The following CACNA2D4 variants were observed in gnomAD, a reference collection of about 807,000 sequenced individuals.
CACNA2D4 encodes the protein calcium voltage-gated channel auxiliary subunit alpha2delta 4.
In CACNA2D4, 157 loss-of-function variants were observed where a neutral mutation model predicts 163.8. The ratio of observed to expected loss-of-function variants is 0.96; its 90% CI spans 0.84 to 1.09. The LOEUF is 1.09. Ranked by LOEUF, CACNA2D4 falls within the 50% of genes least tolerant of loss-of-function variation. CACNA2D4 has a pLI of 0.00. For synonymous variants in CACNA2D4, 598 were observed against 586.9 expected, an observed-to-expected ratio of 1.02 and a Z score of -0.27; for missense variants, 1,410 against 1,479.9, an observed-to-expected ratio of 0.95 and a Z score of 0.78.
intron 23 of CACNA2D4, among the ~76,000 whole-genome samples, chr12:1,851,225 T>C (rs1865271983): frequency 6.6e-6 from 1 of 152,230 alleles, no homozygotes; most frequent in African/African-American, 2.4e-5. Context: ...CGTCATTCCT[T>C]TATTGCTTCT....
Position 1,834,755 on chromosome 12 carries a change from G to C in CACNA2D4, c.2551+5984C>G, listed in dbSNP as rs140355519. 2.6e-6 allele frequency: 4 copies of C among 1,553,390 alleles called. No individual in the cohort carries two copies. The highest frequency in any genetic ancestry group is 2.6e-6 in the Non-Finnish European group (3 of 1,152,614). On this transcript the variant is annotated intron_variant, in intron 26 of 37. Transcript: ENST00000382722. This position sits in a 1 kb window ranked among gnomAD's most constrained non-coding sequence, Gnocchi z 7.6. Reference sequence around the variant, plus strand: ...CCCCACCCGGCCAGGTAGGAAGGGCGGGGAGAGCACACGGCATTGCTCAGC... The same window carrying C: ...CCCCACCCGGCCAGGTAGGAAGGGCCGGGAGAGCACACGGCATTGCTCAGC...
At chr12:1,876,061 G>A (rs940960407) in intron 16 of CACNA2D4, among the ~76,000 whole-genome samples, 1 of 152,216 alleles carries the variant, frequency 6.6e-6, no homozygotes, top group Non-Finnish European at 1.5e-5. Flanking sequence ...GGGACACACT[G>A]TCAGGTCCCT....
intron 18 of CACNA2D4, among the ~76,000 whole-genome samples, chr12:1,872,405 G>C (rs115773259): frequency 1.3e-5 from 2 of 152,182 alleles, no homozygotes; most frequent in Non-Finnish European, 2.9e-5. Context: ...AAAACAACAC[G>C]GCAGGCGGTC....
At chr12:1,912,338 A>G (rs1866845188) in intron 3 of CACNA2D4, among the ~76,000 whole-genome samples, 3 of 152,108 alleles carry the variant, frequency 2.0e-5, no homozygotes, top group African/African-American at 7.2e-5. Context: ...ACTGGTTTAT[A>G]CCATCCAGGT....
At chr12:1,885,591 T>C (rs1866116859) in intron 9 of CACNA2D4, among the ~76,000 whole-genome samples, 1 of 152,208 alleles carries the variant, frequency 6.6e-6, no homozygotes, top group Admixed American at 6.5e-5. Context: ...GAGGAAAGGA[T>C]GACACTCAAT....
At position 1,918,479 on chromosome 12, in the gene CACNA2D4, C is replaced by T. The variant is rs770835825; in HGVS notation, c.-6G>A. Reference sequence around the variant, plus strand: ...GCAGAGCAGCCACAGACCATGAGCTCTGTCTGCCTTCCTCCCAGACCCCAG... The same window carrying T: ...GCAGAGCAGCCACAGACCATGAGCTTTGTCTGCCTTCCTCCCAGACCCCAG... On this transcript the variant is annotated 5_prime_UTR_variant, in exon 1 of 38. Transcript: ENST00000382722. 59 of 1,552,718 alleles carry T rather than the reference C, an allele frequency of 3.8e-5. No homozygotes were observed. Among genetic ancestry groups the T allele is most frequent in the South Asian group, 2.1e-4 (18 of 84,208 alleles).
intron 3 of CACNA2D4, among the ~76,000 whole-genome samples, chr12:1,912,623 G>A (rs761995203): frequency 6.6e-6 from 1 of 152,164 alleles, no homozygotes; most frequent in African/African-American, 2.4e-5. Flanking sequence ...CAGCTAGCTC[G>A]ACTCCCACCC....
Position 1,844,549 on chromosome 12 carries a change from G to C in CACNA2D4, c.2343-20C>G, listed in dbSNP as rs762473254. 21 of 1,609,870 alleles carry C rather than the reference G, an allele frequency of 1.3e-5. No homozygotes were observed. The highest frequency in any genetic ancestry group is 1.7e-5 in the Non-Finnish European group (20 of 1,177,542). On this transcript the variant is annotated intron_variant, in intron 24 of 37. Coordinates refer to ENST00000382722, the MANE Select transcript of CACNA2D4 (RefSeq NM_172364.5). The surrounding 1 kb of genome is among the most constrained non-coding windows in gnomAD (Gnocchi z 4.2). ...AACTTCCTGCAAGGAGGAAGATGTGGTACCTCTCCCCAGATCTGTGAACAC... is the reference window on the plus strand; with the variant it reads ...AACTTCCTGCAAGGAGGAAGATGTGCTACCTCTCCCCAGATCTGTGAACAC...
At chr12:1,898,948 T>C (rs1866473625) in intron 6 of CACNA2D4, among the ~76,000 whole-genome samples, 1 of 152,122 alleles carries the variant, frequency 6.6e-6, no homozygotes, top group Non-Finnish European at 1.5e-5. Flanking sequence ...GGAGAGTTAT[T>C]GTTTAATAAG....
At chr12:1,836,097 C>A (rs770164163) in intron 26 of CACNA2D4, 1 of 152,316 alleles carries the variant, frequency 6.6e-6, no homozygotes. Flanking sequence ...TGTTCCCGGG[C>A]TTTGTCTGCT....
At chr12:1,858,491 T>A in intron 20 of CACNA2D4, 86 bp downstream of exon 20, 1 of 1,191,636 alleles carries the variant, frequency 8.4e-7, no homozygotes, top group Non-Finnish European at 1.2e-6. Flanking sequence ...TCACACTGGC[T>A]CTGGTTGGGG....
chr12:1,896,623 AC>A (rs1199007920), intron 6 of CACNA2D4, among the ~76,000 whole-genome samples: 4,215 of 149,828 alleles, frequency 0.028, 206 homozygotes, highest in African/African-American at 0.1. Context: ...ACACACACAC[AC>A]ACACACACAC....
At chr12:1,913,205 T>C in intron 2 of CACNA2D4, 66 bp from the exon 3 acceptor site, 1 of 1,100,492 alleles carries the variant, frequency 9.1e-7, no homozygotes, top group Non-Finnish European at 1.4e-6. Flanking sequence ...CACCTGTGTA[T>C]GCATGGCCTC....
intron 18 of CACNA2D4, among the ~76,000 whole-genome samples, chr12:1,872,387 C>A (rs1865805300): frequency 6.6e-6 from 1 of 152,076 alleles, no homozygotes; most frequent in African/African-American, 2.4e-5. Flanking sequence ...CTATAAAATC[C>A]CCTGGAGAAA....
At chr12:1,811,841 T>G in intron 26 of CACNA2D4, 118 bp from the exon 27 acceptor site, 3 of 945,734 alleles carry the variant, frequency 3.2e-6, no homozygotes, top group South Asian at 1.5e-5. Flanking sequence ...CCGCAGCGGA[T>G]GGGAGGACTG....
rs542710320 is a variant in CACNA2D4 at position 1,804,094 on chromosome 12, G to A, written c.2722-2450C>T. On this transcript the variant is annotated intron_variant, in intron 29 of 37. Coordinates refer to ENST00000382722, the MANE Select transcript of CACNA2D4 (RefSeq NM_172364.5). ...CCAGCTGGAGTAAACTCTCTCAGCT[G>A]GGGCTCGCTTTTTGCTATTCTAGTT... Among the ~76,000 whole-genome samples, 11 of 151,832 alleles carry A rather than the reference G, an allele frequency of 7.2e-5. 1 individual carries two copies. The South Asian group carries it at 8.4e-4, about 12-fold the overall frequency.
At chr12:1,835,148 G>A (rs944222696) in intron 26 of CACNA2D4, 4 of 170,558 alleles carry the variant, frequency 2.3e-5, no homozygotes, top group Non-Finnish European at 3.8e-5. Context: ...AGGGATGAAG[G>A]TAGATTTCTG....
In CACNA2D4 at chr12:1,866,277, CTGAT is replaced by C. The variant is rs139265699; in HGVS notation, c.1879-6075_1879-6072del. On this transcript the variant is annotated intron_variant, in intron 18 of 37. Transcript: ENST00000382722. ...CTGTTAATGTAATAAATTGCACTGA[CTGAT>C]TAATTTTTTCAATGTTAAATTAACT... 7.8e-3 allele frequency among the ~76,000 whole-genome samples: 1,182 copies of C among 152,278 alleles called. 6 individuals are homozygous for C. The highest frequency in any genetic ancestry group is 0.012 in the African/African-American group (489 of 41,546).
rs1235429422 is a variant in CACNA2D4, at chr12:1,883,849, C to T, written c.1351+394G>A. Among the ~76,000 whole-genome samples the T allele has an allele frequency of 1.3e-5, 2 of 152,212 alleles. No individual in the cohort carries two copies. Among genetic ancestry groups the T allele is most frequent in the African/African-American group, 4.8e-5 (2 of 41,446 alleles). ...GTCCATCCTGATCCCTCTTGGTCCC[C>T]TGGTGCCTGGAAATGGGGCCAGGTG... On this transcript the variant is annotated intron_variant, in intron 12 of 37. Coordinates refer to ENST00000382722, the MANE Select transcript of CACNA2D4 (RefSeq NM_172364.5). This position sits in a 1 kb window ranked among gnomAD's most constrained non-coding sequence, Gnocchi z 4.5.
Sources: gnomAD v4.1 joint callset for allele counts (sites outside exome capture counted in the v4.1 genomes callset) on GRCh38, gnomAD v4.1.1 for gene constraint, Gnocchi (gnomAD v3.1) non-coding constraint, MANE v1.5 for transcripts, NCBI Gene and HGNC (gene_info 2026-07-23, HGNC 2026-07-21) for gene names.